Variants in ZNF609 observed in about 807,000 individuals in gnomAD.
The protein encoded by ZNF609 is zinc finger protein 609.
Under a neutral mutation model 109.5 loss-of-function variants are expected in ZNF609, and 11 were observed. The ratio of observed to expected loss-of-function variants is 0.10; its 90% CI spans 0.06 to 0.17. The LOEUF is 0.17. ZNF609 is among the 10% of genes least tolerant of loss of function. The probability of loss-of-function intolerance (pLI) is 1.00; values close to 1 mark genes in which losing one functional copy is unlikely to be tolerated. For missense variants in ZNF609, 1,559 were observed against 1,772.4 expected (o/e 0.88, Z 2.16); for synonymous variants, 646 against 662.0 (o/e 0.98, Z 0.37).
chr15:64,642,387 G>A (rs1270469701), intron 3 of ZNF609, among the ~76,000 whole-genome samples: 11 of 151,946 alleles, frequency 7.2e-5, no homozygotes, highest in Admixed American at 6.6e-4. Context: ...GTCTCGCTGT[G>A]TTGACCAGAC....
chr15:64,639,657 A>C (rs1255136834), intron 3 of ZNF609, among the ~76,000 whole-genome samples: 3 of 152,130 alleles, frequency 2.0e-5, no homozygotes, highest in Non-Finnish European at 4.4e-5. Flanking sequence ...CCCTATTTCC[A>C]AATAAGGTCA....
intron 1 of ZNF609, among the ~76,000 whole-genome samples, chr15:64,473,626 G>C (rs1893124500): frequency 6.6e-6 from 1 of 150,548 alleles, no homozygotes; most frequent in South Asian, 2.1e-4. Context: ...TTTTTTTTGA[G>C]ACAGAGTCTT....
intron 2 of ZNF609, among the ~76,000 whole-genome samples, chr15:64,569,104 G>C (rs774839433): frequency 6.6e-6 from 1 of 151,968 alleles, no homozygotes; most frequent in Non-Finnish European, 1.5e-5. Flanking sequence ...GATACAAATG[G>C]GCCCTTGCTA....
Position 64,675,969 on chromosome 15 carries a change from G to A in ZNF609, c.3115G>A (p.Glu1039Lys). Reference sequence around the variant, plus strand: ...GGAGCGGGAGGCAGCACTCAAGGAAGAGTGGAAGCAAAAGCCGTCAATTCC... The same window carrying A: ...GGAGCGGGAGGCAGCACTCAAGGAAAAGTGGAAGCAAAAGCCGTCAATTCC... ...LKEREAALKE[E>K]WKQKPSIPPT... The change falls in exon 5 of 10, where the codon GAG becomes AAG. Residue 1039 changes from glutamate to lysine, a missense_variant. Physicochemically the swap from Glu to Lys is moderately conservative, Grantham distance 56 (BLOSUM62 1). Coordinates refer to ENST00000326648, the MANE Select transcript of ZNF609 (RefSeq NM_015042.2). 1 of 1,614,230 alleles carries A rather than the reference G, an allele frequency of 6.2e-7. No homozygotes were observed. Among genetic ancestry groups the A allele is most frequent in the Non-Finnish European group, 8.5e-7 (1 of 1,180,044 alleles).
intron 2 of ZNF609, among the ~76,000 whole-genome samples, chr15:64,527,069 C>T (rs1893976787): frequency 6.6e-6 from 1 of 151,946 alleles, no homozygotes; most frequent in Admixed American, 6.6e-5. Context: ...GGAGAAACCT[C>T]TGGAATGTAA....
chr15:64,600,530 G>A (rs1032393382), intron 2 of ZNF609, among the ~76,000 whole-genome samples: 6 of 149,972 alleles, frequency 4.0e-5, no homozygotes, highest in African/African-American at 7.4e-5. Context: ...CCAGCTCCTC[G>A]AAGGCTGAGG....
chr15:64,669,256 AT>A (rs1896692109), intron 3 of ZNF609, among the ~76,000 whole-genome samples: 1 of 152,220 alleles, frequency 6.6e-6, no homozygotes, highest in Non-Finnish European at 1.5e-5. Context: ...AAAATGAAGC[AT>A]TTGTACAAGA....
chr15:64,681,215 A>AT (rs1316086589), intron 8 of ZNF609, 94 bp from the exon 9 acceptor site: 2,662 of 1,080,726 alleles, frequency 2.5e-3, no homozygotes, highest in Non-Finnish European at 3.0e-3. Flanking sequence ...TGAGTATCAG[A>AT]TTTTTTTTTC....
chr15:64,670,583 C>A, intron 4 of ZNF609, 150 bp downstream of exon 4: 1 of 715,398 alleles, frequency 1.4e-6, no homozygotes, highest in Non-Finnish European at 2.4e-6. Context: ...ATCTGACATT[C>A]AAGAAGACTG....
chr15:64,498,084 C>T (rs1034426350), intron 1 of ZNF609, among the ~76,000 whole-genome samples: 3 of 152,020 alleles, frequency 2.0e-5, no homozygotes, highest in African/African-American at 7.2e-5. Flanking sequence ...GAGTCTTACT[C>T]TGTCACCCAG....
chr15:64,563,790 A>G (rs183487933), intron 2 of ZNF609, among the ~76,000 whole-genome samples: 3 of 152,226 alleles, frequency 2.0e-5, no homozygotes, highest in Non-Finnish European at 4.4e-5. Flanking sequence ...AAAACAAAAC[A>G]AAACAAAACA....
chr15:64,650,578 A>G (rs2140997075), intron 3 of ZNF609, among the ~76,000 whole-genome samples: 1 of 152,302 alleles, frequency 6.6e-6, no homozygotes, highest in Middle Eastern at 3.4e-3. Flanking sequence ...GGTATGGAAA[A>G]TCTGTACACA....
chr15:64,500,284 T>G (rs1467665323), intron 2 of ZNF609, 118 bp downstream of exon 2: 7 of 1,353,088 alleles, frequency 5.2e-6, no homozygotes, highest in Non-Finnish European at 7.2e-6. Context: ...AATGACCAAT[T>G]ACAAGGTCAG....
chr15:64,644,782 T>C (rs1312972370), intron 3 of ZNF609, among the ~76,000 whole-genome samples: 1 of 152,196 alleles, frequency 6.6e-6, no homozygotes, highest in Non-Finnish European at 1.5e-5. Flanking sequence ...TGGGTAGCTT[T>C]GTTTTTATTA....
At chr15:64,526,339 T>C (rs1194053210) in intron 2 of ZNF609, among the ~76,000 whole-genome samples, 1 of 152,184 alleles carries the variant, frequency 6.6e-6, no homozygotes, top group African/African-American at 2.4e-5. Flanking sequence ...GGCTCTGATA[T>C]GATTTTTGTG....
Position 64,655,697 on chromosome 15 carries a change from G to A in ZNF609, c.974-14649G>A, listed in dbSNP as rs570286410. On this transcript the variant is annotated intron_variant, in intron 3 of 9. Transcript: ENST00000326648. ...CAAAAAAAATTAGCTGGGCATGGTG[G>A]CAGGTGCCTGTAATCCCAGCTACAT... 5.9e-5 allele frequency among the ~76,000 whole-genome samples: 9 copies of A among 152,116 alleles called. No individual in the cohort carries two copies. The South Asian group carries it at 1.9e-3, about 32-fold the overall frequency.
chr15:64,588,750 T>G (rs1468143798), intron 2 of ZNF609, among the ~76,000 whole-genome samples: 1 of 151,522 alleles, frequency 6.6e-6, no homozygotes, highest in African/African-American at 2.4e-5. Flanking sequence ...GCAATTCTCC[T>G]GCCTCAGCTT....
intron 2 of ZNF609, among the ~76,000 whole-genome samples, chr15:64,612,044 A>G (rs1895724201): frequency 6.7e-6 from 1 of 149,026 alleles, no homozygotes; most frequent in Non-Finnish European, 1.5e-5. Flanking sequence ...CTGTACTTGC[A>G]TTTTCTAGTG....
chr15:64,675,742 A>G lies in ZNF609; in HGVS notation c.2888A>G (p.Gln963Arg). ...SSSQQPSVIQ[Q>R]RPNMYMQSLY... is the part of the protein sequence containing the mutation. Reference sequence around the variant, plus strand: ...AGTCAGCAGCCCTCGGTCATCCAGCAGCGTCCCAATATGTACATGCAGTCC... The same window carrying G: ...AGTCAGCAGCCCTCGGTCATCCAGCGGCGTCCCAATATGTACATGCAGTCC... Residue 963 changes from glutamine to arginine, a missense_variant, in exon 5 of 10, where the codon CAG (glutamine) becomes CGG (arginine). Coordinates refer to ENST00000326648, the MANE Select transcript of ZNF609 (RefSeq NM_015042.2). 7 of 1,614,216 alleles carry G rather than the reference A, an allele frequency of 4.3e-6. No homozygotes were observed. The highest frequency in any genetic ancestry group is 1.7e-5 in the Admixed American group (1 of 60,020).
Sources: allele counts gnomAD v4.1 joint callset (sites outside exome capture counted in the v4.1 genomes callset), GRCh38; gene constraint gnomAD v4.1.1; transcripts MANE v1.5; gene names NCBI Gene and HGNC (gene_info 2026-07-23, HGNC 2026-07-21).